The following EVL variants were observed in gnomAD, a reference collection of about 807,000 sequenced individuals.
EVL encodes ena/VASP-like protein.
A neutral mutation model predicts 59.6 loss-of-function variants in EVL; 21 were observed. The ratio of observed to expected loss-of-function variants is 0.35; its 90% CI spans 0.25 to 0.51. The LOEUF (loss-of-function observed/expected upper bound fraction) is 0.51. Ranked by LOEUF, EVL falls within the 20% of genes least tolerant of loss-of-function variation. EVL has a pLI of 0.97. For missense variants in EVL, 462 were observed against 546.6 expected, an observed-to-expected ratio of 0.85 and a Z score of 1.54; for synonymous variants, 198 against 203.5, an observed-to-expected ratio of 0.97 and a Z score of 0.23.
chr14:100,078,418 G>A (rs1161985308), intron 1 of EVL, among the ~76,000 whole-genome samples: 2 of 152,174 alleles, frequency 1.3e-5, no homozygotes, highest in Non-Finnish European at 2.9e-5. Flanking sequence ...TGAGGACATA[G>A]CAGTGCCTGG....
chr14:100,067,257 G>A (rs2061950397), intron 1 of EVL, among the ~76,000 whole-genome samples: 2 of 152,236 alleles, frequency 1.3e-5, no homozygotes, highest in Non-Finnish European at 2.9e-5. Flanking sequence ...CATGCTGACT[G>A]ACACATGGGG....
At chr14:100,017,904 T>A (rs1311781651) in intron 1 of EVL, among the ~76,000 whole-genome samples, 1 of 152,234 alleles carries the variant, frequency 6.6e-6, no homozygotes. Flanking sequence ...AGACCTGGAC[T>A]CTCTTGCTTC....
chr14:100,050,732 G>T (rs1339399406), intron 1 of EVL, among the ~76,000 whole-genome samples: 1 of 138,952 alleles, frequency 7.2e-6, no homozygotes, highest in Non-Finnish European at 1.5e-5. Flanking sequence ...TATTACTTGT[G>T]TATGAGCTCA....
At chr14:100,126,527 C>G (rs1335333389) in intron 4 of EVL, among the ~76,000 whole-genome samples, 180 bp from the exon 5 acceptor site, 1 of 152,220 alleles carries the variant, frequency 6.6e-6, no homozygotes, top group Non-Finnish European at 1.5e-5. Flanking sequence ...CTTGCGGGAG[C>G]TGGACCCAGT....
chr14:100,115,107 T>G (rs973290501), intron 3 of EVL, among the ~76,000 whole-genome samples: 1 of 152,198 alleles, frequency 6.6e-6, no homozygotes, highest in South Asian at 2.1e-4. Context: ...TGGCAGATTT[T>G]TATTGCTATT....
At chr14:100,055,338 A>T (rs1313288973) in intron 1 of EVL, among the ~76,000 whole-genome samples, 1 of 152,064 alleles carries the variant, frequency 6.6e-6, no homozygotes, top group East Asian at 1.9e-4. Context: ...TGTCTATTGT[A>T]CCATGTGTCA....
chr14:100,071,942 C>T (rs2062056739), intron 1 of EVL, among the ~76,000 whole-genome samples: 1 of 151,790 alleles, frequency 6.6e-6, no homozygotes, highest in Non-Finnish European at 1.5e-5. Flanking sequence ...CACCTGTGCC[C>T]ATTAAGAAAA....
chr14:100,043,222 T>G (rs111722173), intron 1 of EVL, among the ~76,000 whole-genome samples: 9,935 of 151,990 alleles, frequency 0.065, 1,128 homozygotes, highest in African/African-American at 0.23. Flanking sequence ...GAGATAGATA[T>G]ATATATATGT....
At chr14:99,993,294 G>A (rs58860164) in intron 1 of EVL, among the ~76,000 whole-genome samples, 1 of 151,964 alleles carries the variant, frequency 6.6e-6, no homozygotes, top group Non-Finnish European at 1.5e-5. Flanking sequence ...TCCTGACCTC[G>A]TGATCTGCCC....
chr14:100,078,218 C>G (rs1475875424), intron 1 of EVL, among the ~76,000 whole-genome samples: 1 of 152,228 alleles, frequency 6.6e-6, no homozygotes, highest in Non-Finnish European at 1.5e-5. Context: ...TGCACGCACA[C>G]TTTTGCAGAT....
At chr14:100,095,797 G>A (rs1051981407) in intron 2 of EVL, among the ~76,000 whole-genome samples, 4 of 152,220 alleles carry the variant, frequency 2.6e-5, no homozygotes, top group African/African-American at 9.6e-5. Flanking sequence ...GCGCAATCTC[G>A]GCTCACTGCA....
At chr14:100,141,111 C>G in intron 11 of EVL, 69 bp from the exon 12 acceptor site, 2 of 1,518,670 alleles carry the variant, frequency 1.3e-6, no homozygotes, top group South Asian at 2.3e-5. Context: ...CTGAGCGGGG[C>G]CTCTGCACAG....
chr14:100,141,717 G>A lies in EVL; in HGVS notation c.1162-19G>A, dbSNP rs1453437467. 3.1e-6 allele frequency: 5 copies of A among 1,612,594 alleles called. No homozygotes were observed. The highest frequency in any genetic ancestry group is 4.5e-5 in the East Asian group (2 of 44,882). On this transcript the variant is annotated intron_variant, in intron 12 of 13. Coordinates refer to ENST00000392920, the MANE Select transcript of EVL (RefSeq NM_016337.3). ...TCTCCACTGCCTGTCCCTTCACCTG[G>A]ACACTCCTCTCCCAACAGGAGATCC...
intron 1 of EVL, among the ~76,000 whole-genome samples, chr14:100,001,172 G>C (rs1227255815): frequency 1.3e-5 from 2 of 152,110 alleles, no homozygotes; most frequent in South Asian, 2.1e-4. Context: ...TAAATAGGTT[G>C]CTGTTATTTT....
intron 1 of EVL, among the ~76,000 whole-genome samples, chr14:99,980,888 T>A (rs1328486190): frequency 6.6e-6 from 1 of 152,230 alleles, no homozygotes; most frequent in Non-Finnish European, 1.5e-5. Context: ...TTTATAAGTT[T>A]GTTTTTTGCT....
intron 7 of EVL, among the ~76,000 whole-genome samples, chr14:100,132,037 T>C (rs1888468727): frequency 6.6e-6 from 1 of 151,942 alleles, no homozygotes; most frequent in African/African-American, 2.4e-5. Context: ...CAGAAGCGTA[T>C]CTCTGGGAAA....
intron 1 of EVL, among the ~76,000 whole-genome samples, chr14:100,038,350 C>T (rs2140228953): frequency 6.6e-6 from 1 of 152,346 alleles, no homozygotes; most frequent in East Asian, 1.9e-4. Flanking sequence ...TCTGGACAAA[C>T]TTCCCAGCTC....
chr14:100,101,056 A>G (rs1423580276), intron 3 of EVL, among the ~76,000 whole-genome samples: 4 of 152,106 alleles, frequency 2.6e-5, no homozygotes, highest in African/African-American at 9.7e-5. Context: ...GTCAAACAAT[A>G]TATGTGCTTT....
chr14:100,082,546 AACCAACGGGTTGC>A (rs1360733200), intron 1 of EVL, among the ~76,000 whole-genome samples: 6 of 152,182 alleles, frequency 3.9e-5, no homozygotes, highest in African/African-American at 1.4e-4. Context: ...AACCATTTAC[AACCAACGGGTTGC>A]TTTGGAGAGT....
Sources: gnomAD v4.1 joint callset for allele counts (sites outside exome capture counted in the v4.1 genomes callset) on GRCh38, gnomAD v4.1.1 for gene constraint, MANE v1.5 for transcripts, NCBI Gene and HGNC (gene_info 2026-07-23, HGNC 2026-07-21) for gene names.